The following USP40 variants were observed in gnomAD, a reference collection of about 807,000 sequenced individuals.
USP40 encodes ubiquitin specific peptidase 40.
In USP40, 143 loss-of-function variants were observed where a neutral mutation model predicts 166.2. That is an observed-to-expected ratio of 0.86 (90% confidence interval 0.75 to 0.99). USP40 has a LOEUF of 0.99. Among genes scored for constraint, USP40 ranks in the 50% least tolerant of loss-of-function variants. USP40 has a pLI of 0.00. For missense variants in USP40, 1,444 were observed against 1,479.7 expected (o/e 0.98, Z 0.40); for synonymous variants, 498 against 524.0 (o/e 0.95, Z 0.68).
At position 233,527,538 on chromosome 2, in the gene USP40, G is replaced by T. The variant is rs2068124374; in HGVS notation, c.1594C>A (p.Leu532Ile). 2.5e-6 allele frequency: 4 copies of T among 1,612,232 alleles called. No homozygotes were observed. The highest frequency in any genetic ancestry group is 1.7e-6 in the Non-Finnish European group (2 of 1,179,388). The change falls in exon 13 of 32, where the codon CTT (leucine) becomes ATT (isoleucine). Residue 532 changes from leucine (L) to isoleucine (I), a missense_variant. Leu to Ile is a conservative substitution (Grantham distance 5). Coordinates refer to ENST00000678225, the MANE Select transcript of USP40 (RefSeq NM_001365479.2). ...DSANNTFELH[L>I]HLGPQYHFFN... ...AAATGATACTGAGGGCCCAGGTGAA[G>T]ATGCAATTCAAAAGTATTGTTTGCA...
chr2:233,486,637 T>C lies in USP40; in HGVS notation c.3198-660A>G, dbSNP rs2064968081. On this transcript the variant is annotated intron_variant, in intron 28 of 31. Transcript: ENST00000678225. The surrounding 1 kb of genome is among the most constrained non-coding windows in gnomAD (Gnocchi z 4.0). ...GGGAAATGAAGACTGGTTCTTAGGA[T>C]GCTGAGACAATGAATGATTTTTAGA... is the stretch of plus-strand genomic sequence containing the variant. 6.6e-6 allele frequency among the ~76,000 whole-genome samples: 1 copy of C among 152,158 alleles called. No homozygotes were observed. The highest frequency in any genetic ancestry group is 2.4e-5 in the African/African-American group (1 of 41,424).
chr2:233,481,071 G>A (rs879555989), intron 31 of USP40, 132 bp downstream of exon 31: 22 of 803,826 alleles, frequency 2.7e-5, no homozygotes, highest in Admixed American at 1.8e-4. Context: ...AGAAGGACCC[G>A]CCACACTGGT....
chr2:233,556,703 C>T lies in USP40; in HGVS notation c.546+152G>A, dbSNP rs184450697. ...CATGGAGAAATCTGGATTATAGGCT[C>T]ATGATTTAGGTGTAGTTAGAAGAAA... is the stretch of plus-strand genomic sequence containing the variant. On this transcript the variant is annotated intron_variant, in intron 5 of 31. Transcript: ENST00000678225. 11 of 604,086 alleles carry T rather than the reference C, an allele frequency of 1.8e-5. No homozygotes were observed. In the Admixed American group the frequency reaches 4.4e-4, roughly 24 times the overall value. The allele number at this position is 604,086 out of a possible 1,614,324, so 37.4% of individuals were successfully genotyped here. A position where few individuals can be genotyped will look rare whatever the true frequency, so the allele number is the denominator to read the frequency against.
chr2:233,524,453 C>T (rs774221617), intron 15 of USP40, 39 bp downstream of exon 15: 3 of 1,572,948 alleles, frequency 1.9e-6, no homozygotes, highest in African/African-American at 1.4e-5. Flanking sequence ...TTAAAACATC[C>T]AAAATTATCA....
chr2:233,524,919 T>C (rs2067909826), intron 14 of USP40, among the ~76,000 whole-genome samples: 1 of 152,222 alleles, frequency 6.6e-6, no homozygotes, highest in South Asian at 2.1e-4. Context: ...TTCAGTTTTC[T>C]CATTTATGAA....
At position 233,533,606 on chromosome 2, in the gene USP40, G is replaced by C. The variant is rs1051759971; in HGVS notation, c.1344C>G (p.His448Gln). The C allele has an allele frequency of 2.5e-6, 4 of 1,613,820 alleles. No individual in the cohort carries two copies. In the African/African-American group the frequency reaches 4.0e-5, roughly 16 times the overall value. Residue 448 changes from histidine to glutamine, a missense_variant, in exon 11 of 32, where the codon CAC becomes CAG. Physicochemically the swap from His to Gln is conservative, Grantham distance 24 (BLOSUM62 0). Transcript: ENST00000678225. ...PGLNNSISCP[H>Q]WFDINDSKVQ... is the part of the protein sequence containing the mutation. ...CTTTAGAATCATTTATATCAAACCAGTGGGGACAGGAGATGCTATTGTTTA... is the reference window on the plus strand; with the variant it reads ...CTTTAGAATCATTTATATCAAACCACTGGGGACAGGAGATGCTATTGTTTA...
chr2:233,558,457 T>C (rs2071292763), intron 4 of USP40, among the ~76,000 whole-genome samples: 1 of 151,776 alleles, frequency 6.6e-6, no homozygotes, highest in African/African-American at 2.4e-5. Flanking sequence ...CGACACATAC[T>C]ACAACATGAA....
chr2:233,533,777 G>C lies in USP40; in HGVS notation c.1173C>G (p.Phe391Leu). ...GAAATATCTGAGAATGGAGCTGTAA[G>C]AACTACACAGAAACAAAAAAAAAAA... The part of the protein sequence containing the change: ...YRKQHGPLRK[F>L]LQLHSQIFLL... The change falls in exon 11 of 32, where the codon TTC (phenylalanine) becomes TTG (leucine). Residue 391 changes from phenylalanine to leucine, a missense_variant and splice_region_variant. Coordinates refer to ENST00000678225, the MANE Select transcript of USP40 (RefSeq NM_001365479.2). The C allele has an allele frequency of 6.6e-7, 1 of 1,516,600 alleles. No individual in the cohort carries two copies. Among genetic ancestry groups the C allele is most frequent in the Middle Eastern group, 1.7e-4 (1 of 5,766 alleles). The allele number at this position is 1,516,600 out of a possible 1,614,324, so 93.9% of individuals were successfully genotyped here.
Position 233,551,861 on chromosome 2 carries a change from A to G in USP40, c.694-342T>C, listed in dbSNP as rs372993331. On this transcript the variant is annotated intron_variant, in intron 6 of 31. Transcript: ENST00000678225. ...TCTCCACTTTACCTGGCAGGTCTAC[A>G]GTTCTTTTTAATCAGTGAAGAACTG... 8.5e-5 allele frequency among the ~76,000 whole-genome samples: 13 copies of G among 152,318 alleles called. No homozygotes were observed. In the East Asian group the frequency reaches 2.1e-3, roughly 25 times the overall value.
In USP40 at chr2:233,496,850, C is replaced by T. The variant is rs771073245; in HGVS notation, c.2716-18G>A. ...GTTGCATCCTGGGAAGACAAAAATG[C>T]TTTTTTGTCACTTATGACTTCTGAA... On this transcript the variant is annotated intron_variant, in intron 23 of 31. Coordinates refer to ENST00000678225, the MANE Select transcript of USP40 (RefSeq NM_001365479.2). 6.8e-6 allele frequency: 11 copies of T among 1,606,754 alleles called. No homozygotes were observed. Among genetic ancestry groups the T allele is most frequent in the African/African-American group, 1.3e-5 (1 of 74,720 alleles).
At chr2:233,533,339 T>TA (rs2068690582) in intron 11 of USP40, 140 bp downstream of exon 11, 1 of 818,112 alleles carries the variant, frequency 1.2e-6, no homozygotes, top group Non-Finnish European at 1.9e-6. Flanking sequence ...TGGCATAATA[T>TA]AGTTCTTGTT....
At chr2:233,518,635 C>A (rs969114547) in intron 18 of USP40, among the ~76,000 whole-genome samples, 1 of 150,764 alleles carries the variant, frequency 6.6e-6, no homozygotes, top group Non-Finnish European at 1.5e-5. Flanking sequence ...GAAACTGCAA[C>A]CCTGACACAC....
At chr2:233,532,145 A>G (rs1324882492) in intron 11 of USP40, among the ~76,000 whole-genome samples, 3 of 152,200 alleles carry the variant, frequency 2.0e-5, no homozygotes, top group Non-Finnish European at 2.9e-5. Flanking sequence ...TTGGCAACAA[A>G]TAAGACTGAG....
Position 233,477,452 on chromosome 2 carries a change from C to CG in USP40, c.3650dup (p.Pro1218AlafsTer35). The stretch of plus-strand genomic sequence containing the variant: ...TTTCCGGGGCTCGGGGCCGGGCAGG[C>CG]GTCTCTGCACTGGAGAGGATGTAGC... On this transcript the variant is annotated frameshift_variant, in exon 32 of 32. Coordinates refer to ENST00000678225, the MANE Select transcript of USP40 (RefSeq NM_001365479.2). LOFTEE classifies it high-confidence loss of function. The CG allele has an allele frequency of 6.2e-7, 1 of 1,613,728 alleles. No individual in the cohort carries two copies. The highest frequency in any genetic ancestry group is 8.5e-7 in the Non-Finnish European group (1 of 1,179,860).
intron 18 of USP40, among the ~76,000 whole-genome samples, chr2:233,518,830 G>C (rs1263653562): frequency 6.6e-6 from 1 of 152,012 alleles, no homozygotes; most frequent in Admixed American, 6.6e-5. Context: ...ATTCATAAAA[G>C]CACAAAAGTA....
At chr2:233,499,018 G>A (rs1019941689) in intron 22 of USP40, among the ~76,000 whole-genome samples, 1 of 152,062 alleles carries the variant, frequency 6.6e-6, no homozygotes, top group Admixed American at 6.6e-5. Context: ...TAAGTTCTGG[G>A]GTACATGTGC....
chr2:233,561,133 C>G (rs1452757810), intron 3 of USP40: 3 of 1,561,958 alleles, frequency 1.9e-6, no homozygotes, highest in Non-Finnish European at 2.6e-6. Context: ...TACGCTAAAA[C>G]ACCCCAGTAA....
At chr2:233,487,123 TA>T (rs1445480504) in intron 28 of USP40, among the ~76,000 whole-genome samples, 1 of 152,204 alleles carries the variant, frequency 6.6e-6, no homozygotes, top group Non-Finnish European at 1.5e-5. Context: ...GTCAAAATCA[TA>T]AAGAGCTCAC....
At chr2:233,491,846 AT>A (rs2065368333) in intron 25 of USP40, among the ~76,000 whole-genome samples, 1 of 152,218 alleles carries the variant, frequency 6.6e-6, no homozygotes, top group Non-Finnish European at 1.5e-5. Flanking sequence ...ATGCTTTCTC[AT>A]CAAAAACAAT....
Sources: allele counts gnomAD v4.1 joint callset (sites outside exome capture counted in the v4.1 genomes callset), GRCh38; gene constraint gnomAD v4.1.1; non-coding constraint Gnocchi (gnomAD v3.1); transcripts MANE v1.5; gene names NCBI Gene and HGNC (gene_info 2026-07-23, HGNC 2026-07-21).